The following LDLRAD4 variants were observed in gnomAD, a reference collection of about 807,000 sequenced individuals.
The protein encoded by LDLRAD4 is low-density lipoprotein receptor class A domain-containing protein 4.
LDLRAD4 carries 5 observed loss-of-function variants against 17.0 expected under a neutral mutation model. The ratio of observed to expected loss-of-function variants is 0.29; its 90% CI spans 0.15 to 0.62. The LOEUF is 0.62. Among genes scored for constraint, LDLRAD4 ranks in the 20% least tolerant of loss-of-function variants. LDLRAD4 has a pLI of 0.84. For synonymous variants in LDLRAD4, 168 were observed against 171.8 expected, an observed-to-expected ratio of 0.98 and a Z score of 0.17; for missense variants, 340 against 424.7, an observed-to-expected ratio of 0.80 and a Z score of 1.75.
At chr18:13,309,992 C>A (rs151173561) in intron 1 of LDLRAD4, among the ~76,000 whole-genome samples, 134 of 152,202 alleles carry the variant, frequency 8.8e-4, no homozygotes, top group South Asian at 6.0e-3. Context: ...CGGGCAGCCT[C>A]GGTGACAGTG....
At chr18:13,581,972 C>T (rs531484675) in intron 3 of LDLRAD4, among the ~76,000 whole-genome samples, 3 of 152,072 alleles carry the variant, frequency 2.0e-5, no homozygotes, top group Admixed American at 1.3e-4. Flanking sequence ...CCCGCCCATC[C>T]GTTACAAACA....
intron 3 of LDLRAD4, among the ~76,000 whole-genome samples, chr18:13,464,570 A>G (rs1242223638): frequency 2.0e-5 from 3 of 152,226 alleles, no homozygotes. Flanking sequence ...ACAAGTGGAT[A>G]GCAGATGTGA....
intron 1 of LDLRAD4, among the ~76,000 whole-genome samples, chr18:13,304,415 C>T (rs1035412619): frequency 6.6e-6 from 1 of 152,182 alleles, no homozygotes; most frequent in African/African-American, 2.4e-5. Flanking sequence ...CCTCTTGGTG[C>T]TAGTGTCAGG....
At chr18:13,627,089 G>A (rs533588522) in intron 4 of LDLRAD4, among the ~76,000 whole-genome samples, 5 of 152,294 alleles carry the variant, frequency 3.3e-5, no homozygotes, top group African/African-American at 1.2e-4. Flanking sequence ...AGCCAACATG[G>A]TGAAACCTTG....
intron 1 of LDLRAD4, among the ~76,000 whole-genome samples, chr18:13,293,005 G>A (rs1052444688): frequency 2.0e-5 from 3 of 152,230 alleles, no homozygotes; most frequent in Non-Finnish European, 2.9e-5. Context: ...TTGGTTCTGG[G>A]GCTCGAGCAC....
chr18:13,573,895 G>A (rs1325448518), intron 3 of LDLRAD4, among the ~76,000 whole-genome samples: 1 of 152,202 alleles, frequency 6.6e-6, no homozygotes, highest in Non-Finnish European at 1.5e-5. Context: ...CGTGGGTGAC[G>A]CGCTCCTTCT....
At chr18:13,313,144 A>T (rs907138869) in intron 1 of LDLRAD4, among the ~76,000 whole-genome samples, 1 of 152,130 alleles carries the variant, frequency 6.6e-6, no homozygotes, top group African/African-American at 2.4e-5. Context: ...GGCTAGAAGG[A>T]TCTGTTATTT....
intron 3 of LDLRAD4, among the ~76,000 whole-genome samples, chr18:13,462,676 C>T (rs1168265903): frequency 3.3e-5 from 5 of 152,178 alleles, no homozygotes; most frequent in African/African-American, 9.7e-5. Context: ...CCAAGAAAGG[C>T]GTATATCAAT....
intron 1 of LDLRAD4, among the ~76,000 whole-genome samples, chr18:13,355,332 A>G (rs2083274596): frequency 6.6e-6 from 1 of 152,230 alleles, no homozygotes; most frequent in Non-Finnish European, 1.5e-5. Flanking sequence ...TTCCATCTGG[A>G]TAACTTGGTC....
At chr18:13,244,953 A>G (rs2042883174) in intron 1 of LDLRAD4, among the ~76,000 whole-genome samples, 1 of 152,220 alleles carries the variant, frequency 6.6e-6, no homozygotes, top group Non-Finnish European at 1.5e-5. Context: ...AGAGCGCAGA[A>G]TCATCTGGTC....
intron 3 of LDLRAD4, among the ~76,000 whole-genome samples, chr18:13,467,281 T>C (rs2092649416): frequency 6.6e-6 from 1 of 152,166 alleles, no homozygotes; most frequent in Admixed American, 6.5e-5. Flanking sequence ...CTAGAACAAA[T>C]AGATGAATTC....
At chr18:13,262,685 GAGTCCCGTGC>G in intron 1 of LDLRAD4, among the ~76,000 whole-genome samples, 2 of 98,714 alleles carry the variant, frequency 2.0e-5, no homozygotes, top group South Asian at 4.2e-4. Flanking sequence ...CGTGGAAACT[GAGTCCCGTGC>G]GGCCCTGTGT....
intron 3 of LDLRAD4, among the ~76,000 whole-genome samples, chr18:13,475,569 A>G (rs1277893731): frequency 6.6e-6 from 1 of 151,050 alleles, no homozygotes; most frequent in Non-Finnish European, 1.5e-5. Flanking sequence ...TCTGTTTTGT[A>G]TCAATTAATG....
At chr18:13,634,900 T>C (rs1377543131) in intron 4 of LDLRAD4, among the ~76,000 whole-genome samples, 1 of 152,058 alleles carries the variant, frequency 6.6e-6, no homozygotes, top group African/African-American at 2.4e-5. Flanking sequence ...ACCAGTGGAA[T>C]AGAACAGAGA....
intron 3 of LDLRAD4, among the ~76,000 whole-genome samples, chr18:13,439,416 A>G (rs2090880252): frequency 6.6e-6 from 1 of 152,222 alleles, no homozygotes. Context: ...TGCTAAATTC[A>G]AGAGTCTTAT....
At chr18:13,379,990 C>CGCCAGCCCCCTGCCT (rs2085222876) in intron 1 of LDLRAD4, among the ~76,000 whole-genome samples, 2 of 152,202 alleles carry the variant, frequency 1.3e-5, no homozygotes, top group African/African-American at 4.8e-5. Context: ...GCCCCCTGCC[C>CGCCAGCCCCCTGCCT]GCCAGCCCCC....
intron 3 of LDLRAD4, among the ~76,000 whole-genome samples, chr18:13,572,506 G>A (rs1303357320): frequency 2.0e-5 from 3 of 152,182 alleles, no homozygotes; most frequent in African/African-American, 7.2e-5. Context: ...AGAAGATTTA[G>A]GGATCCTTCA....
intron 1 of LDLRAD4, among the ~76,000 whole-genome samples, chr18:13,321,125 AGGACTCCGAG>A (rs2081193212): frequency 1.3e-5 from 2 of 152,188 alleles, no homozygotes; most frequent in African/African-American, 2.4e-5. Flanking sequence ...AGCATGCTGC[AGGACTCCGAG>A]AGACTGGCTC....
At chr18:13,439,709 C>T (rs1485919602) in intron 3 of LDLRAD4, among the ~76,000 whole-genome samples, 1 of 152,176 alleles carries the variant, frequency 6.6e-6, no homozygotes, top group Non-Finnish European at 1.5e-5. Flanking sequence ...TGCATGGAAC[C>T]AGGGCTGGGT....
Sources: gnomAD v4.1 joint callset for allele counts (sites outside exome capture counted in the v4.1 genomes callset) on GRCh38, gnomAD v4.1.1 for gene constraint, MANE v1.5 for transcripts, NCBI Gene and HGNC (gene_info 2026-07-23, HGNC 2026-07-21) for gene names.